The following PITPNM2 variants were observed in gnomAD, a reference collection of about 807,000 sequenced individuals.
PITPNM2 encodes membrane-associated phosphatidylinositol transfer protein 2.
PITPNM2 carries 35 observed loss-of-function variants against 132.2 expected under a neutral mutation model. The ratio of observed to expected loss-of-function variants is 0.26; its 90% CI spans 0.20 to 0.35. The LOEUF (loss-of-function observed/expected upper bound fraction) is 0.35, where lower values mean the gene tolerates loss of function less well. PITPNM2 is among the 10% of genes least tolerant of loss of function. The pLI, the probability that PITPNM2 is intolerant of heterozygous loss-of-function variation, is 1.00. For synonymous variants in PITPNM2, 738 were observed against 799.2 expected, an observed-to-expected ratio of 0.92 and a Z score of 1.29; for missense variants, 1,332 against 1,912.0, an observed-to-expected ratio of 0.70 and a Z score of 5.66.
chr12:123,119,289 G>A (rs556575085), intron 1 of PITPNM2, among the ~76,000 whole-genome samples: 5 of 151,894 alleles, frequency 3.3e-5, no homozygotes, highest in Admixed American at 6.6e-5. Flanking sequence ...ATGCTCGGGA[G>A]GTAGGGACAA....
At chr12:122,999,525 C>T (rs1162640214) in intron 10 of PITPNM2, among the ~76,000 whole-genome samples, 1 of 152,160 alleles carries the variant, frequency 6.6e-6, no homozygotes, top group African/African-American at 2.4e-5. Context: ...GGTACTTTGT[C>T]ACCAGGGGAT....
intron 2 of PITPNM2, among the ~76,000 whole-genome samples, chr12:123,062,141 C>A (rs996877048): frequency 6.6e-6 from 1 of 152,258 alleles, no homozygotes; most frequent in African/African-American, 2.4e-5. Flanking sequence ...CCCATTTCAA[C>A]AAATCCAGGG....
At chr12:123,037,331 G>A (rs1231212370) in intron 2 of PITPNM2, among the ~76,000 whole-genome samples, 1 of 152,186 alleles carries the variant, frequency 6.6e-6, no homozygotes, top group Non-Finnish European at 1.5e-5. Flanking sequence ...GAGACGGGAA[G>A]GGAAAATTGA....
intron 3 of PITPNM2, among the ~76,000 whole-genome samples, chr12:123,017,497 C>T (rs12425009): frequency 0.54 from 82,664 of 152,114 alleles, 26,979 homozygotes; most frequent in Non-Finnish European, 0.71. Context: ...GATACTTGTA[C>T]ACCAAGCCTT....
chr12:123,131,746 G>C lies in PITPNM2; in HGVS notation c.-200+19007C>G, dbSNP rs151087142. On this transcript the variant is annotated intron_variant, in intron 1 of 25. Coordinates refer to ENST00000320201, the MANE Select transcript of PITPNM2 (RefSeq NM_020845.3). ...CTAGCCTGTGTCTGTGCTAGGTCCT[G>C]ATGGAAGAAGCAGCCCCCAGCCAAC... 7.4e-4 allele frequency among the ~76,000 whole-genome samples: 112 copies of C among 152,332 alleles called. 1 individual carries two copies. Among genetic ancestry groups the C allele is most frequent in the African/African-American group, 2.6e-3 (106 of 41,568 alleles).
At chr12:123,137,171 G>T (rs771013573) in intron 1 of PITPNM2, among the ~76,000 whole-genome samples, 1 of 152,110 alleles carries the variant, frequency 6.6e-6, no homozygotes, top group Non-Finnish European at 1.5e-5. Flanking sequence ...CCAAAGAGGC[G>T]GACCAAGGGG....
Position 123,005,676 on chromosome 12 carries a change from T to A in PITPNM2, c.644-128A>T. ...ACCCATGTTGCAGGTCAAACTAAAGTCACTGCCTGTCTGTGCCTCAGTTTC... is the reference window on the plus strand; with the variant it reads ...ACCCATGTTGCAGGTCAAACTAAAGACACTGCCTGTCTGTGCCTCAGTTTC... On this transcript the variant is annotated intron_variant, in intron 6 of 25. Transcript: ENST00000320201. The surrounding 1 kb of genome is among the most constrained non-coding windows in gnomAD (Gnocchi z 6.2). 1 of 838,614 alleles carries A rather than the reference T, an allele frequency of 1.2e-6. No homozygotes were observed. The highest frequency in any genetic ancestry group is 1.9e-6 in the Non-Finnish European group (1 of 537,654). 51.9% of individuals were successfully genotyped at this position (838,614 alleles called of 1,614,324 possible).
intron 1 of PITPNM2, among the ~76,000 whole-genome samples, chr12:123,125,611 G>T (rs944837636): frequency 5.3e-5 from 8 of 151,800 alleles, no homozygotes; most frequent in Admixed American, 4.6e-4. Flanking sequence ...TTGGGAGGCC[G>T]AGGGGGGCGG....
At chr12:123,094,968 T>C (rs1040601779) in intron 2 of PITPNM2, among the ~76,000 whole-genome samples, 1 of 152,250 alleles carries the variant, frequency 6.6e-6, no homozygotes, top group Non-Finnish European at 1.5e-5. Flanking sequence ...ATTTATATGA[T>C]CAGATTAACT....
Position 123,122,917 on chromosome 12 carries a change from A to C in PITPNM2, c.-199-12429T>G, listed in dbSNP as rs147169326. On this transcript the variant is annotated intron_variant, in intron 1 of 25. Transcript: ENST00000320201. ...GGTTGAAAACCACTGCCTCGCACTC[A>C]CACATTGTAAGTGGGAGTGTAAATT... Among the ~76,000 whole-genome samples, 24 of 152,326 alleles carry C rather than the reference A, an allele frequency of 1.6e-4. No individual in the cohort carries two copies. The East Asian group carries it at 4.4e-3, about 28-fold the overall frequency.
At chr12:123,025,033 C>T (rs1300979388) in intron 3 of PITPNM2, among the ~76,000 whole-genome samples, 1 of 152,170 alleles carries the variant, frequency 6.6e-6, no homozygotes, top group Non-Finnish European at 1.5e-5. Context: ...ACATGGGTCA[C>T]CTCTAAGCAT....
chr12:123,069,535 T>C (rs77064381), intron 2 of PITPNM2, among the ~76,000 whole-genome samples: 7,369 of 152,238 alleles, frequency 0.048, 234 homozygotes, highest in Middle Eastern at 0.12. Flanking sequence ...TGGAATCAGA[T>C]GGCCAGAGTC....
intron 8 of PITPNM2, 87 bp from the exon 9 acceptor site, chr12:123,001,245 T>G: frequency 4.0e-6 from 4 of 1,011,918 alleles, no homozygotes; most frequent in Non-Finnish European, 6.3e-6. Flanking sequence ...TGTGTACGGC[T>G]CTGCTCTGAC....
chr12:122,988,932 G>T, intron 18 of PITPNM2, 60 bp from the exon 19 acceptor site: 2 of 1,471,466 alleles, frequency 1.4e-6, no homozygotes, highest in South Asian at 1.4e-5. Context: ...GACCCCGAAG[G>T]GTCACCCGGC....
intron 1 of PITPNM2, among the ~76,000 whole-genome samples, chr12:123,112,762 T>G (rs2042866094): frequency 6.6e-6 from 1 of 152,032 alleles, no homozygotes; most frequent in South Asian, 2.1e-4. Flanking sequence ...ATGGTCTTTA[T>G]CTCCTGACCT....
At chr12:123,140,243 A>G (rs922791188) in intron 1 of PITPNM2, among the ~76,000 whole-genome samples, 1 of 152,062 alleles carries the variant, frequency 6.6e-6, no homozygotes, top group African/African-American at 2.4e-5. Flanking sequence ...CACCTGCATC[A>G]CCTCTTAATC....
rs367592988 is a variant in PITPNM2, at chr12:123,099,471, G to A, written c.-96+10914C>T. Among the ~76,000 whole-genome samples, 1 of 152,130 alleles carries A rather than the reference G, an allele frequency of 6.6e-6. No homozygotes were observed. The highest frequency in any genetic ancestry group is 1.5e-5 in the Non-Finnish European group (1 of 68,022). On this transcript the variant is annotated intron_variant, in intron 2 of 25. Transcript: ENST00000320201. This position sits in a 1 kb window ranked among gnomAD's most constrained non-coding sequence, Gnocchi z 4.2. ...CCCACCTTTGTGCCTGTGGGCTGAC[G>A]AAGCCCTGGGGGCTCTGGGCCCTAC...
intron 2 of PITPNM2, chr12:123,084,525 A>G (rs1593001803): frequency 6.6e-6 from 1 of 152,398 alleles, no homozygotes; most frequent in East Asian, 1.9e-4. Flanking sequence ...AACATTTGCC[A>G]CTGCTGACAT....
intron 1 of PITPNM2, among the ~76,000 whole-genome samples, chr12:123,132,108 G>A (rs2043277821): frequency 6.6e-6 from 1 of 152,258 alleles, no homozygotes; most frequent in African/African-American, 2.4e-5. Flanking sequence ...CTCTGCAGCT[G>A]TGGATGCCAG....
Sources: allele counts gnomAD v4.1 joint callset (sites outside exome capture counted in the v4.1 genomes callset), GRCh38; gene constraint gnomAD v4.1.1; non-coding constraint Gnocchi (gnomAD v3.1); transcripts MANE v1.5; gene names NCBI Gene and HGNC (gene_info 2026-07-23, HGNC 2026-07-21).